The following SPMIP5 variants were observed in gnomAD, a reference collection of about 807,000 sequenced individuals.
SPMIP5 encodes sperm-associated microtubule inner protein 5.
chr10:116,663,488 A>G, the SPMIP5 span, among the ~76,000 whole-genome samples: 1 of 152,040 alleles, frequency 6.6e-6, no homozygotes, highest in Non-Finnish European at 1.5e-5. Flanking sequence ...CCTCCTGGGG[A>G]CTGGGATTCT....
At chr10:116,665,553 G>A in the SPMIP5 span, 1 of 1,533,846 alleles carries the variant, frequency 6.5e-7, no homozygotes, top group Non-Finnish European at 8.9e-7. Flanking sequence ...GCTGGCCTAT[G>A]AGAATCTGCA....
At chr10:116,667,326 C>A in the SPMIP5 span, among the ~76,000 whole-genome samples, 1 of 152,200 alleles carries the variant, frequency 6.6e-6, no homozygotes, top group Non-Finnish European at 1.5e-5. Flanking sequence ...AGACGTCTGG[C>A]CTCAGAACTG....
chr10:116,669,347 G>A, the SPMIP5 span, among the ~76,000 whole-genome samples: 166 of 152,276 alleles, frequency 1.1e-3, no homozygotes, highest in African/African-American at 3.7e-3. Context: ...ACTGTGCCGC[G>A]TCTAGGCCAC....
At chr10:116,663,965 G>A in the SPMIP5 span, 1 of 1,539,184 alleles carries the variant, frequency 6.5e-7, no homozygotes, top group Non-Finnish European at 8.7e-7. Flanking sequence ...CCACTGCATG[G>A]TATACTTGGC....
the SPMIP5 span, chr10:116,664,262 T>G: frequency 1.3e-6 from 2 of 1,593,736 alleles, no homozygotes; most frequent in Non-Finnish European, 1.7e-6. Flanking sequence ...TGGAGCTAAC[T>G]CCATATATTC....
the SPMIP5 span, chr10:116,665,011 T>C: frequency 1.3e-6 from 2 of 1,548,202 alleles, no homozygotes; most frequent in Non-Finnish European, 1.7e-6. Context: ...ACCCAGAAGC[T>C]GAGGCCTGAA....
the SPMIP5 span, chr10:116,669,876 A>C: frequency 6.6e-6 from 1 of 152,172 alleles, no homozygotes; most frequent in Non-Finnish European, 1.5e-5. Flanking sequence ...GAGTGGGTAG[A>C]AAGTAGGGCC....
the SPMIP5 span, chr10:116,664,215 T>G: frequency 6.2e-7 from 1 of 1,613,844 alleles, no homozygotes; most frequent in East Asian, 2.2e-5. Flanking sequence ...CAGCTCTTCA[T>G]GCTGCAAAAC....
At chr10:116,668,972 A>ACACACACACACACACACAC in the SPMIP5 span, among the ~76,000 whole-genome samples, 8 of 58,890 alleles carry the variant, frequency 1.4e-4, no homozygotes, top group African/African-American at 5.3e-4. Context: ...CACACACACA[A>ACACACACACACACACACAC]ACAAGGGAGA....
At chr10:116,665,622 T>C in the SPMIP5 span, 53 of 1,612,734 alleles carry the variant, frequency 3.3e-5, no homozygotes, top group South Asian at 6.6e-5. Context: ...GATCAGGGGG[T>C]GGTACTGCAG....
the SPMIP5 span, among the ~76,000 whole-genome samples, chr10:116,668,933 G>GCACACACGCACACACACACACA: frequency 1.5e-5 from 2 of 135,380 alleles, no homozygotes; most frequent in East Asian, 4.6e-4. Flanking sequence ...GCACACACAT[G>GCACACACGCACACACACACACA]CACACACACA....
chr10:116,663,928 G>T, the SPMIP5 span: 11 of 1,536,914 alleles, frequency 7.2e-6, no homozygotes, highest in Non-Finnish European at 7.0e-6. Flanking sequence ...ATACTTTGCG[G>T]AGGACAGTGG....
the SPMIP5 span, chr10:116,670,121 G>A: frequency 6.6e-6 from 1 of 152,306 alleles, no homozygotes; most frequent in Non-Finnish European, 1.5e-5. Flanking sequence ...GCACAGCCCG[G>A]ACCCCGGTGT....
chr10:116,668,316 T>G, the SPMIP5 span: 28 of 1,611,598 alleles, frequency 1.7e-5, no homozygotes, highest in Non-Finnish European at 2.2e-5. Flanking sequence ...GCTCCATGAT[T>G]TCGCTCTCTG....
chr10:116,666,740 T>C, the SPMIP5 span, among the ~76,000 whole-genome samples: 1 of 152,184 alleles, frequency 6.6e-6, no homozygotes, highest in Non-Finnish European at 1.5e-5. Context: ...AAAGATATCC[T>C]AACATTATGA....
chr10:116,664,304 A>G, the SPMIP5 span: 2 of 1,432,058 alleles, frequency 1.4e-6, no homozygotes, highest in Admixed American at 2.0e-5. Context: ...AAAGTTATGG[A>G]CCTTTTATTA....
the SPMIP5 span, among the ~76,000 whole-genome samples, chr10:116,668,827 T>C: frequency 6.6e-6 from 1 of 151,780 alleles, no homozygotes; most frequent in Non-Finnish European, 1.5e-5. Context: ...CCCTGGAACA[T>C]CTGGCAATGT....
At chr10:116,665,495 C>A in the SPMIP5 span, 1 of 862,126 alleles carries the variant, frequency 1.2e-6, no homozygotes, top group Non-Finnish European at 1.8e-6. Context: ...GGTGCTGACC[C>A]CTGGGATTTG....
At chr10:116,664,461 A>T in the SPMIP5 span, 1 of 752,148 alleles carries the variant, frequency 1.3e-6, no homozygotes, top group Non-Finnish European at 2.0e-6. Flanking sequence ...GCCACTCAGC[A>T]CCCTTGGGCC....
Sources: allele counts gnomAD v4.1 joint callset (sites outside exome capture counted in the v4.1 genomes callset), GRCh38; gene constraint gnomAD v4.1.1; transcripts MANE v1.5; gene names NCBI Gene and HGNC (gene_info 2026-07-23, HGNC 2026-07-21).